The following MTMR9 variants were observed in gnomAD, a reference collection of about 807,000 sequenced individuals.
MTMR9 encodes the protein myotubularin related protein 9, also known as myotubularin-related protein 9.
MTMR9 carries 39 observed loss-of-function variants against 69.5 expected under a neutral mutation model. The ratio of observed to expected loss-of-function variants is 0.56; its 90% CI spans 0.43 to 0.73. The LOEUF is 0.73. Among genes scored for constraint, MTMR9 ranks in the 30% least tolerant of loss-of-function variants. The probability of loss-of-function intolerance (pLI) is 0.00; values close to 1 mark genes in which losing one functional copy is unlikely to be tolerated. For missense variants in MTMR9, 900 were observed against 671.2 expected (o/e 1.34, Z -3.77); for synonymous variants, 354 against 240.8 (o/e 1.47, Z -4.35).
At chr8:11,288,533 G>A (rs1799273794) in intron 1 of MTMR9, among the ~76,000 whole-genome samples, 1 of 151,848 alleles carries the variant, frequency 6.6e-6, no homozygotes, top group Non-Finnish European at 1.5e-5. Context: ...TCTGGGGGAA[G>A]AGCATTGCAG....
intron 1 of MTMR9, among the ~76,000 whole-genome samples, chr8:11,285,707 C>T (rs747888081): frequency 6.6e-6 from 1 of 152,046 alleles, no homozygotes; most frequent in Non-Finnish European, 1.5e-5. Context: ...TTTTTGTACT[C>T]CAGACTTTAT....
intron 1 of MTMR9, among the ~76,000 whole-genome samples, chr8:11,286,562 AG>A (rs528099259): frequency 4.9e-4 from 73 of 148,782 alleles, no homozygotes; most frequent in African/African-American, 1.6e-3. Flanking sequence ...GTTACTCAGG[AG>A]GCTGAGGCGG....
chr8:11,295,849 G>C (rs1314371630), intron 2 of MTMR9, among the ~76,000 whole-genome samples: 3 of 152,262 alleles, frequency 2.0e-5, no homozygotes, highest in Admixed American at 6.5e-5. Context: ...ACAGTGAGTA[G>C]GTAGGGACTG....
intron 1 of MTMR9, 90 bp from the exon 2 acceptor site, chr8:11,295,104 C>T (rs538357502): frequency 1.4e-6 from 1 of 698,270 alleles, no homozygotes; most frequent in African/African-American, 1.8e-5. Context: ...TAGATGGTAA[C>T]TACAACTATA....
At chr8:11,304,653 T>A (rs1243052406) in intron 3 of MTMR9, among the ~76,000 whole-genome samples, 188 bp from the exon 4 acceptor site, 1 of 152,230 alleles carries the variant, frequency 6.6e-6, no homozygotes, top group African/African-American at 2.4e-5. Context: ...TGCAGGAAGC[T>A]GGCCCTGAAC....
the MTMR9 span, among the ~76,000 whole-genome samples, chr8:11,336,625 A>G: frequency 2.0e-5 from 3 of 152,206 alleles, no homozygotes; most frequent in African/African-American, 7.2e-5. Flanking sequence ...GCCATCTCCA[A>G]TGCCAGGAAA....
chr8:11,288,857 G>GAA lies in MTMR9; in HGVS notation c.182+3788_182+3789insAA. On this transcript the variant is annotated intron_variant, in intron 1 of 9. Transcript: ENST00000221086. ...GACTGGAAGCAGCAGGCCCAGCTTG[G>GAA]AGAGTAGAGTAGTTCACATAAAAGA... 3.3e-5 allele frequency among the ~76,000 whole-genome samples: 5 copies of GAA among 152,318 alleles called. 1 individual carries two copies. In the Middle Eastern group the frequency reaches 0.017, roughly 518 times the overall value.
downstream of MTMR9, chr8:11,331,157 G>A (rs139356109): frequency 2.9e-4 from 471 of 1,611,802 alleles, no homozygotes; most frequent in African/African-American, 5.2e-4. Flanking sequence ...CACACCCATC[G>A]CCGCCCTCCG....
intron 3 of MTMR9, among the ~76,000 whole-genome samples, chr8:11,304,300 A>G (rs904378918): frequency 6.6e-6 from 1 of 152,214 alleles, no homozygotes; most frequent in Admixed American, 6.5e-5. Context: ...TGATATAGAT[A>G]GTAGCTGTGT....
At chr8:11,314,409 C>G (rs183636805) in intron 6 of MTMR9, among the ~76,000 whole-genome samples, 8 of 152,130 alleles carry the variant, frequency 5.3e-5, no homozygotes, top group African/African-American at 1.9e-4. Context: ...TCGTGTTTCT[C>G]AAAGTGTGGT....
chr8:11,315,135 A>G lies in MTMR9; in HGVS notation c.1113+71A>G, dbSNP rs115762775. On this transcript the variant is annotated intron_variant, in intron 7 of 9. Transcript: ENST00000221086. ...GTGATCCTGCTTTGTGTGGTAGCTG[A>G]CATAATGTGTGAAATTTCGATTGAT... 1.9e-3 allele frequency: 2,957 copies of G among 1,541,344 alleles called. 49 individuals carry two copies. In the African/African-American group the frequency reaches 0.036, roughly 19 times the overall value.
In MTMR9 at chr8:11,309,711, T is replaced by G. The variant is rs919768414; in HGVS notation, c.971+23T>G. The G allele has an allele frequency of 3.1e-6, 5 of 1,610,516 alleles. No individual in the cohort carries two copies. The African/African-American group carries it at 4.0e-5, about 13-fold the overall frequency. On this transcript the variant is annotated intron_variant, in intron 6 of 9. Coordinates refer to ENST00000221086, the MANE Select transcript of MTMR9 (RefSeq NM_015458.4). ...CAGGTAAAGTGCATTTCAGCGTTCC[T>G]GAGCGAAACATGGCGCTGCTAACTA...
At chr8:11,335,663 C>T in the MTMR9 span, among the ~76,000 whole-genome samples, 1 of 152,246 alleles carries the variant, frequency 6.6e-6, no homozygotes, top group East Asian at 1.9e-4. Flanking sequence ...ATTATAAAGC[C>T]ACGTTAATCA....
At position 11,284,874 on chromosome 8, in the gene MTMR9, C is replaced by T. The variant is rs745974587; in HGVS notation, c.-15C>T. 6.6e-6 allele frequency: 10 copies of T among 1,520,758 alleles called. No homozygotes were observed. Among genetic ancestry groups the T allele is most frequent in the Non-Finnish European group, 8.7e-6 (10 of 1,144,978 alleles). The allele number at this position is 1,520,758 out of a possible 1,614,324, so 94.2% of individuals were successfully genotyped here. ...CCTACCGGGCTCGGTTCCCTGGCTC[C>T]GGCCGCGGGGGAGCATGGAGTTTGC... On this transcript the variant is annotated 5_prime_UTR_variant, in exon 1 of 10. Coordinates refer to ENST00000221086, the MANE Select transcript of MTMR9 (RefSeq NM_015458.4).
At chr8:11,321,586 C>T (rs1349682680) in intron 9 of MTMR9, 1 of 444,504 alleles carries the variant, frequency 2.2e-6, no homozygotes, top group African/African-American at 2.0e-5. Context: ...GTGTTTCATG[C>T]TCCTCAACCT....
chr8:11,330,068 G>A (rs557707348), downstream of MTMR9, among the ~76,000 whole-genome samples: 37 of 151,464 alleles, frequency 2.4e-4, no homozygotes, highest in Middle Eastern at 3.5e-3. Context: ...AGTGAGGAGC[G>A]TCTCCGCCTG....
chr8:11,316,923 C>G, intron 8 of MTMR9, 30 bp downstream of exon 8: 1 of 1,459,366 alleles, frequency 6.9e-7, no homozygotes, highest in Non-Finnish European at 9.2e-7. Context: ...GGGGACCTTT[C>G]CTTTTCCGTT....
downstream of MTMR9, among the ~76,000 whole-genome samples, chr8:11,332,553 G>A (rs1375707134): frequency 1.3e-5 from 2 of 151,550 alleles, no homozygotes; most frequent in South Asian, 4.1e-4. Flanking sequence ...CGACAACTGA[G>A]ATGAGAAATT....
chr8:11,284,932 T>C lies in MTMR9; in HGVS notation c.44T>C (p.Val15Ala). ...ATTAAGACCCCGCGGGTGGACAATG[T>C]GGTGCTGCACCGGCCTTTCTACCCG... is the stretch of plus-strand genomic sequence containing the variant. Reference protein sequence around the residue: ...ELIKTPRVDNVVLHRPFYPAV... With the variant: ...ELIKTPRVDNAVLHRPFYPAV... The change falls in exon 1 of 10, where the codon GTG becomes GCG. Residue 15 changes from valine (V) to alanine (A), a missense_variant. Transcript: ENST00000221086. The C allele has an allele frequency of 6.2e-7, 1 of 1,613,074 alleles. No homozygotes were observed. The highest frequency in any genetic ancestry group is 8.5e-7 in the Non-Finnish European group (1 of 1,179,566).
Sources: allele counts gnomAD v4.1 joint callset (sites outside exome capture counted in the v4.1 genomes callset), GRCh38; gene constraint gnomAD v4.1.1; transcripts MANE v1.5; gene names NCBI Gene and HGNC (gene_info 2026-07-23, HGNC 2026-07-21).